The following EEA1 variants were observed in gnomAD, a reference collection of about 807,000 sequenced individuals.
EEA1 encodes early endosome antigen 1, 162kD.
In EEA1, 111 loss-of-function variants were observed where a neutral mutation model predicts 209.2. That is an observed-to-expected ratio of 0.53 (90% CI 0.45 to 0.62). The LOEUF (loss-of-function observed/expected upper bound fraction) is 0.62, where lower values mean the gene tolerates loss of function less well. Among genes scored for constraint, EEA1 ranks in the 20% least tolerant of loss-of-function variants. The pLI, the probability that EEA1 is intolerant of heterozygous loss-of-function variation, is 0.00. For missense variants in EEA1, 1,343 were observed against 1,530.8 expected, an observed-to-expected ratio of 0.88 and a Z score of 2.05; for synonymous variants, 536 against 540.6, an observed-to-expected ratio of 0.99 and a Z score of 0.12.
At chr12:92,881,037 C>T (rs1879115977) in intron 2 of EEA1, among the ~76,000 whole-genome samples, 1 of 152,130 alleles carries the variant, frequency 6.6e-6, no homozygotes, top group African/African-American at 2.4e-5. Context: ...ACTATGCTAA[C>T]AAGAAAAGCC....
intron 11 of EEA1, among the ~76,000 whole-genome samples, chr12:92,830,013 G>C (rs1386027414): frequency 1.3e-5 from 1 of 79,422 alleles, no homozygotes; most frequent in East Asian, 2.0e-4. Context: ...GGAGAGTGTG[G>C]GGGGGGCGGG....
At chr12:92,803,910 C>T (rs552394563) in intron 18 of EEA1, among the ~76,000 whole-genome samples, 4 of 151,964 alleles carry the variant, frequency 2.6e-5, no homozygotes, top group Non-Finnish European at 5.9e-5. Context: ...AAATTAATTA[C>T]AAAATCATAA....
At position 92,779,122 on chromosome 12, in the gene EEA1, G is replaced by A. The variant is rs1298850997; in HGVS notation, c.3647C>T (p.Ala1216Val). The change falls in exon 25 of 29, where the codon GCT becomes GTT. Residue 1216 changes from alanine to valine, a missense_variant. Ala to Val is a moderately conservative substitution (Grantham distance 64). Transcript: ENST00000322349. ...ELKKEFIEKE[A>V]KLHSEIKEKE... is the part of the protein sequence containing the mutation. ...CCCGATTAACTCACTGACCAACTTA[G>A]CTTCTTTCTCAATAAATTCTTTCTT... 6.3e-7 allele frequency: 1 copy of A among 1,599,900 alleles called. No homozygotes were observed. The highest frequency in any genetic ancestry group is 1.8e-5 in the Admixed American group (1 of 55,550).
intron 1 of EEA1, among the ~76,000 whole-genome samples, chr12:92,904,871 G>C (rs1475935490): frequency 6.6e-6 from 1 of 152,228 alleles, no homozygotes; most frequent in Non-Finnish European, 1.5e-5. Flanking sequence ...CAACCAGGAA[G>C]ATCTCCAAAA....
chr12:92,886,564 A>G (rs1462054173), intron 2 of EEA1, among the ~76,000 whole-genome samples: 1 of 47,282 alleles, frequency 2.1e-5, no homozygotes, highest in African/African-American at 1.0e-4. Context: ...AGGGGAAGGG[A>G]GGGGAGAGAA....
Position 92,816,277 on chromosome 12 carries a change from A to C in EEA1, c.1852T>G (p.Ser618Ala). ...AATTCATTGACACTAGTTTCTAGGGAAAGGACACGGTCTTGTGCAGCTCTA... is the reference window on the plus strand; with the variant it reads ...AATTCATTGACACTAGTTTCTAGGGCAAGGACACGGTCTTGTGCAGCTCTA... ...HLRAAQDRVLSLETSVNELNS... is the reference protein window; with the variant it reads ...HLRAAQDRVLALETSVNELNS... Residue 618 changes from serine (S) to alanine (A), a missense_variant, in exon 15 of 29, where the codon TCC becomes GCC. By Grantham distance (99) the Ser-to-Ala change is moderately conservative. Around this residue, in one of 3 missense-constraint regions of EEA1, gnomAD observed 1,307 missense variants for 1,465.5 expected, o/e 0.89. Coordinates refer to ENST00000322349, the MANE Select transcript of EEA1 (RefSeq NM_003566.4). 14 of 1,613,996 alleles carry C rather than the reference A, an allele frequency of 8.7e-6. No individual in the cohort carries two copies. Among genetic ancestry groups the C allele is most frequent in the Non-Finnish European group, 1.2e-5 (14 of 1,179,906 alleles).
intron 1 of EEA1, among the ~76,000 whole-genome samples, chr12:92,928,337 AGT>A (rs1210662303): frequency 6.6e-6 from 1 of 152,218 alleles, no homozygotes; most frequent in Non-Finnish European, 1.5e-5. Flanking sequence ...GCAGAAACTA[AGT>A]GTATATACCA....
intron 1 of EEA1, among the ~76,000 whole-genome samples, chr12:92,903,844 A>C (rs1245815310): frequency 6.6e-6 from 1 of 152,108 alleles, no homozygotes; most frequent in African/African-American, 2.4e-5. Flanking sequence ...TTTTGTTGCT[A>C]CTTTTCCCCC....
Position 92,842,491 on chromosome 12 carries a change from C to A in EEA1, c.889G>T (p.Val297Phe), listed in dbSNP as rs1877209497. The A allele has an allele frequency of 6.2e-7, 1 of 1,600,438 alleles. No homozygotes were observed. Among genetic ancestry groups the A allele is most frequent in the Non-Finnish European group, 8.5e-7 (1 of 1,171,644 alleles). Residue 297 changes from valine to phenylalanine, a missense_variant, in exon 10 of 29, where the codon GTT becomes TTT. Physicochemically the swap from Val to Phe is conservative, Grantham distance 50. Around this residue, in one of 3 missense-constraint regions of EEA1, gnomAD observed 1,307 missense variants for 1,465.5 expected, o/e 0.89. Coordinates refer to ENST00000322349, the MANE Select transcript of EEA1 (RefSeq NM_003566.4). ...TGATTTTTTTGTGTTAATTCATTAA[C>A]TGAACTTTTCAGTTTTTGTAGTTCC... ...VQELQKLKSS[V>F]NELTQKNQTL...
rs1410147561 is a variant in EEA1, at chr12:92,772,073, G to T, written c.*3938C>A. ...GGGGGTCAGAACAAAAACCATTCTA[G>T]AACCGTGGCTCCCAGGAAGAAAAAA... On this transcript the variant is annotated 3_prime_UTR_variant, in exon 29 of 29. Coordinates refer to ENST00000322349, the MANE Select transcript of EEA1 (RefSeq NM_003566.4). The T allele has an allele frequency of 6.6e-6, 1 of 151,608 alleles. No homozygotes were observed. Among genetic ancestry groups the T allele is most frequent in the Non-Finnish European group, 1.5e-5 (1 of 67,806 alleles). 9.4% of individuals were successfully genotyped at this position (151,608 alleles called of 1,614,324 possible).
chr12:92,866,191 CAAAAAA>C (rs11317190), intron 2 of EEA1, among the ~76,000 whole-genome samples: 2 of 71,720 alleles, frequency 2.8e-5, no homozygotes, highest in Non-Finnish European at 5.0e-5. Flanking sequence ...GACTCCTTCT[CAAAAAA>C]AAAAAAAAAA....
chr12:92,850,429 C>T (rs1481061226), intron 9 of EEA1, among the ~76,000 whole-genome samples: 1 of 152,100 alleles, frequency 6.6e-6, no homozygotes, highest in Non-Finnish European at 1.5e-5. Flanking sequence ...GTGGCTCACG[C>T]CTGTAATCCC....
intron 1 of EEA1, among the ~76,000 whole-genome samples, chr12:92,897,203 A>G (rs1879921474): frequency 6.6e-6 from 1 of 152,190 alleles, no homozygotes; most frequent in Non-Finnish European, 1.5e-5. Flanking sequence ...ACTCCCTTTG[A>G]CCTTTCCTTT....
intron 22 of EEA1, among the ~76,000 whole-genome samples, chr12:92,783,406 T>G (rs1873992621): frequency 6.6e-6 from 1 of 151,762 alleles, no homozygotes; most frequent in Non-Finnish European, 1.5e-5. Flanking sequence ...TTTGAGAGAG[T>G]TTTTCCTGAA....
rs1352273653 is a variant in EEA1 at position 92,876,426 on chromosome 12, G to C, written c.118-11439C>G. 1.9e-4 allele frequency among the ~76,000 whole-genome samples: 29 copies of C among 152,142 alleles called. No individual in the cohort carries two copies. In the East Asian group the frequency reaches 5.2e-3, roughly 27 times the overall value. On this transcript the variant is annotated intron_variant, in intron 2 of 28. Transcript: ENST00000322349. Reference sequence around the variant, plus strand: ...ACCCACTTGAATGTAAGCTCCACCAGGATAAATACTTTTTAGTTTATCCTA... The same window carrying C: ...ACCCACTTGAATGTAAGCTCCACCACGATAAATACTTTTTAGTTTATCCTA...
Position 92,770,944 on chromosome 12 carries a change from A to G in EEA1, c.*5067T>C, listed in dbSNP as rs1873405167. On this transcript the variant is annotated 3_prime_UTR_variant, in exon 29 of 29. Coordinates refer to ENST00000322349, the MANE Select transcript of EEA1 (RefSeq NM_003566.4). Reference sequence around the variant, plus strand: ...AGTAAGGTATCTGTCTCTTAACTTTATTTTTTGAAGAATGATGGTGTTTGC... The same window carrying G: ...AGTAAGGTATCTGTCTCTTAACTTTGTTTTTTGAAGAATGATGGTGTTTGC... The G allele has an allele frequency of 6.6e-6, 1 of 151,476 alleles. No homozygotes were observed. The highest frequency in any genetic ancestry group is 1.5e-5 in the Non-Finnish European group (1 of 67,852). The allele number at this position is 151,476 out of a possible 1,614,324, so 9.4% of individuals were successfully genotyped here.
intron 22 of EEA1, among the ~76,000 whole-genome samples, chr12:92,783,658 G>A (rs1188318361): frequency 6.6e-6 from 1 of 152,098 alleles, no homozygotes; most frequent in Admixed American, 6.6e-5. Flanking sequence ...GGGGAAAGGG[G>A]AAGCTTTTTC....
chr12:92,842,413 T>C, intron 10 of EEA1, 52 bp downstream of exon 10: 1 of 914,946 alleles, frequency 1.1e-6, no homozygotes, highest in Non-Finnish European at 1.7e-6. Context: ...AAGATTAATA[T>C]TTAAAATACA....
At chr12:92,909,706 G>C (rs1219742886) in intron 1 of EEA1, among the ~76,000 whole-genome samples, 1 of 152,208 alleles carries the variant, frequency 6.6e-6, no homozygotes, top group Non-Finnish European at 1.5e-5. Context: ...GTTATCATGG[G>C]AATGGCTTTG....
Sources: gnomAD v4.1 joint callset for allele counts (sites outside exome capture counted in the v4.1 genomes callset) on GRCh38, gnomAD v4.1.1 for gene constraint, gnomAD v4.1.1 regional missense constraint, MANE v1.5 for transcripts, NCBI Gene and HGNC (gene_info 2026-07-23, HGNC 2026-07-21) for gene names.